The following ARHGAP15 variants were observed in gnomAD, a reference collection of about 807,000 sequenced individuals.
ARHGAP15 encodes rho GTPase-activating protein 15.
ARHGAP15 carries 51 observed loss-of-function variants against 63.7 expected under a neutral mutation model. The observed-to-expected ratio is 0.80, with a 90% CI of 0.64 to 1.01. The LOEUF is 1.01. ARHGAP15 is among the 50% of genes least tolerant of loss of function. ARHGAP15 has a pLI of 0.00. For missense variants in ARHGAP15, 560 were observed against 564.6 expected (o/e 0.99, Z 0.08); for synonymous variants, 191 against 193.8 (o/e 0.99, Z 0.12).
intron 2 of ARHGAP15, among the ~76,000 whole-genome samples, chr2:143,192,563 C>T (rs1691723175): frequency 6.6e-6 from 1 of 152,224 alleles, no homozygotes. Context: ...TGCTAACAAG[C>T]ATTCATATGC....
At chr2:143,267,660 A>G (rs1574182890) in intron 6 of ARHGAP15, among the ~76,000 whole-genome samples, 1 of 152,170 alleles carries the variant, frequency 6.6e-6, no homozygotes, top group African/African-American at 2.4e-5. Context: ...AAATGAATGT[A>G]TGTTATACAT....
intron 12 of ARHGAP15, among the ~76,000 whole-genome samples, chr2:143,684,996 A>T (rs1168790816): frequency 1.3e-5 from 2 of 152,332 alleles, no homozygotes; most frequent in East Asian, 3.9e-4. Flanking sequence ...GTTATAATCC[A>T]ACTGCTGCTC....
chr2:143,745,584 T>C (rs1192147058), intron 13 of ARHGAP15, among the ~76,000 whole-genome samples: 1 of 152,204 alleles, frequency 6.6e-6, no homozygotes, highest in Non-Finnish European at 1.5e-5. Context: ...AAGGTACATA[T>C]AAACATCCTA....
chr2:143,238,978 G>A (rs1184884156), intron 5 of ARHGAP15, among the ~76,000 whole-genome samples: 1 of 152,116 alleles, frequency 6.6e-6, no homozygotes, highest in Admixed American at 6.6e-5. Flanking sequence ...GCTGAATAAT[G>A]AGAACACATG....
intron 6 of ARHGAP15, among the ~76,000 whole-genome samples, chr2:143,387,157 G>A (rs1306311180): frequency 1.3e-5 from 2 of 151,720 alleles, no homozygotes; most frequent in African/African-American, 4.8e-5. Flanking sequence ...TAAACTAAAA[G>A]TTAAAAAAAT....
At chr2:143,661,704 T>A (rs1681790051) in intron 12 of ARHGAP15, among the ~76,000 whole-genome samples, 1 of 151,906 alleles carries the variant, frequency 6.6e-6, no homozygotes, top group Admixed American at 6.6e-5. Flanking sequence ...TGGGCACAGG[T>A]CAGTGGGTGC....
At chr2:143,550,549 T>A (rs1036999033) in intron 10 of ARHGAP15, among the ~76,000 whole-genome samples, 10 of 152,204 alleles carry the variant, frequency 6.6e-5, no homozygotes, top group African/African-American at 2.4e-4. Context: ...CTCAGTTGTA[T>A]TAACCACGTT....
chr2:143,754,933 C>T (rs1344160974), intron 13 of ARHGAP15, among the ~76,000 whole-genome samples: 2 of 152,200 alleles, frequency 1.3e-5, no homozygotes, highest in African/African-American at 4.8e-5. Context: ...ATTAAAAGGA[C>T]TTCTGCTTTT....
intron 3 of ARHGAP15, among the ~76,000 whole-genome samples, chr2:143,209,711 T>G (rs1361158916): frequency 1.3e-5 from 2 of 152,120 alleles, no homozygotes; most frequent in South Asian, 2.1e-4. Context: ...AAGAAACAAG[T>G]GCAAGGGTCG....
intron 2 of ARHGAP15, among the ~76,000 whole-genome samples, chr2:143,171,312 A>G (rs1199599072): frequency 6.6e-6 from 1 of 152,142 alleles, no homozygotes; most frequent in Non-Finnish European, 1.5e-5. Context: ...TCCCTGTGCT[A>G]CACAGGTGTT....
intron 9 of ARHGAP15, among the ~76,000 whole-genome samples, chr2:143,513,763 C>A (rs55806812): frequency 0.47 from 71,842 of 151,984 alleles, 17,338 homozygotes; most frequent in East Asian, 0.78. Flanking sequence ...AGGAACTTGG[C>A]AGTCACTTTT....
At chr2:143,490,203 G>C (rs957603598) in intron 9 of ARHGAP15, among the ~76,000 whole-genome samples, 11 of 152,204 alleles carry the variant, frequency 7.2e-5, no homozygotes, top group Admixed American at 4.6e-4. Flanking sequence ...GTTTCACCGT[G>C]TTAGCCAGGA....
intron 10 of ARHGAP15, among the ~76,000 whole-genome samples, chr2:143,527,406 A>G (rs1438851948): frequency 1.3e-5 from 2 of 152,000 alleles, no homozygotes; most frequent in East Asian, 3.9e-4. Context: ...GTTCAAAATA[A>G]TCATTTATTT....
intron 10 of ARHGAP15, among the ~76,000 whole-genome samples, chr2:143,521,707 T>C (rs763943864): frequency 2.6e-5 from 4 of 152,220 alleles, no homozygotes; most frequent in Non-Finnish European, 4.4e-5. Flanking sequence ...ATGTGTTTAC[T>C]CTCACAGTCT....
chr2:143,436,746 A>G (rs965250697), intron 7 of ARHGAP15, among the ~76,000 whole-genome samples, 167 bp from the exon 8 acceptor site: 1 of 152,234 alleles, frequency 6.6e-6, no homozygotes, highest in Admixed American at 6.5e-5. Context: ...ACCATCATAT[A>G]CATATATAAA....
At chr2:143,167,259 CATT>C (rs1412482799) in intron 2 of ARHGAP15, among the ~76,000 whole-genome samples, 1 of 152,048 alleles carries the variant, frequency 6.6e-6, no homozygotes, top group Admixed American at 6.6e-5. Flanking sequence ...CAGTTTTTAT[CATT>C]AGTGTTATTC....
intron 6 of ARHGAP15, among the ~76,000 whole-genome samples, chr2:143,286,735 TAC>T (rs1021032388): frequency 6.6e-6 from 1 of 152,194 alleles, no homozygotes; most frequent in African/African-American, 2.4e-5. Flanking sequence ...TTTTTTAAAA[TAC>T]AGTCATGTGC....
chr2:143,686,383 C>CAAAA lies in ARHGAP15; in HGVS notation c.1139-17006_1139-17003dup, dbSNP rs35554349. Among the ~76,000 whole-genome samples, 41 of 55,076 alleles carry CAAAA rather than the reference C, an allele frequency of 7.4e-4. 5 individuals are homozygous for CAAAA. Among genetic ancestry groups the CAAAA allele is most frequent in the African/African-American group, 3.1e-3 (37 of 12,068 alleles). The allele number at this position is 55,076 out of a possible 152,430, so 36.1% of individuals were successfully genotyped here. On this transcript the variant is annotated intron_variant, in intron 12 of 13. Coordinates refer to ENST00000295095, the MANE Select transcript of ARHGAP15 (RefSeq NM_018460.4). Reference sequence around the variant, plus strand: ...TGGGTGACAGAGCGAGACTCTGTCTCAAAAAAAAAAAAAAAAAAAAAAAAA... The same window carrying CAAAA: ...TGGGTGACAGAGCGAGACTCTGTCTCAAAAAAAAAAAAAAAAAAAAAAAAAAAAA...
intron 6 of ARHGAP15, among the ~76,000 whole-genome samples, chr2:143,259,408 A>C (rs539992309): frequency 6.6e-6 from 1 of 152,328 alleles, no homozygotes; most frequent in South Asian, 2.1e-4. Context: ...AAAACAATTG[A>C]ACCCCACAAA....
Sources: allele counts gnomAD v4.1 joint callset (sites outside exome capture counted in the v4.1 genomes callset), GRCh38; gene constraint gnomAD v4.1.1; transcripts MANE v1.5; gene names NCBI Gene and HGNC (gene_info 2026-07-23, HGNC 2026-07-21).